The following FECH variants were observed in gnomAD, a reference collection of about 807,000 sequenced individuals.
The protein encoded by FECH is ferrochelatase, mitochondrial.
FECH carries 40 observed loss-of-function variants against 56.9 expected under a neutral mutation model. The observed-to-expected ratio is 0.70, with a 90% CI of 0.55 to 0.92. FECH has a LOEUF of 0.92. Among genes scored for constraint, FECH ranks in the 40% least tolerant of loss-of-function variants. FECH has a pLI of 0.00. For synonymous variants in FECH, 175 were observed against 198.6 expected (o/e 0.88, Z 1.00); for missense variants, 431 against 529.1 (o/e 0.81, Z 1.82).
chr18:57,563,013 T>C (rs2122285198), intron 5 of FECH, 33 bp from the exon 6 acceptor site: 1 of 1,552,366 alleles, frequency 6.4e-7, no homozygotes, highest in Non-Finnish European at 8.9e-7. Flanking sequence ...AGTAGATGCA[T>C]TTTGATTATG....
chr18:57,579,764 T>C (rs2051247501), intron 2 of FECH, among the ~76,000 whole-genome samples: 1 of 152,190 alleles, frequency 6.6e-6, no homozygotes. Context: ...TTATGTTAGG[T>C]TCGTAAATAC....
Position 57,546,804 on chromosome 18 carries a change from C to T in FECH, c.*3908G>A, listed in dbSNP as rs1006178621. Among the ~76,000 whole-genome samples the T allele has an allele frequency of 6.6e-6, 1 of 151,458 alleles. No individual in the cohort carries two copies. The highest frequency in any genetic ancestry group is 2.1e-4 in the South Asian group (1 of 4,788). ...TCAGGCCCCATCTCTACTAAAAATA[C>T]AAAAATTAGCCGGGCATGGTGGCAC... is the stretch of plus-strand genomic sequence containing the variant. On this transcript the variant is annotated 3_prime_UTR_variant, in exon 11 of 11. Coordinates refer to ENST00000262093, the MANE Select transcript of FECH (RefSeq NM_000140.5).
intron 6 of FECH, among the ~76,000 whole-genome samples, chr18:57,560,337 A>G (rs1452020273): frequency 6.6e-6 from 1 of 152,240 alleles, no homozygotes; most frequent in Non-Finnish European, 1.5e-5. Flanking sequence ...TGATAAAGCA[A>G]GTGGGATATA....
chr18:57,558,836 G>A (rs1410226276), intron 7 of FECH, among the ~76,000 whole-genome samples: 1 of 152,104 alleles, frequency 6.6e-6, no homozygotes, highest in Non-Finnish European at 1.5e-5. Context: ...CAAGAGAACT[G>A]CTTGAGCCCA....
intron 1 of FECH, among the ~76,000 whole-genome samples, chr18:57,584,726 A>G (rs2051339584): frequency 6.6e-6 from 1 of 151,714 alleles, no homozygotes; most frequent in Non-Finnish European, 1.5e-5. Context: ...GGGTGCTTCA[A>G]AATATTGGTT....
chr18:57,570,255 G>A (rs2051084582), intron 4 of FECH, among the ~76,000 whole-genome samples: 1 of 152,198 alleles, frequency 6.6e-6, no homozygotes, highest in Non-Finnish European at 1.5e-5. Context: ...TAGTAAGTAG[G>A]TGTGAATGGA....
chr18:57,570,618 T>C (rs1476730150), intron 4 of FECH, among the ~76,000 whole-genome samples: 1 of 152,272 alleles, frequency 6.6e-6, no homozygotes. Flanking sequence ...AATTCATGTG[T>C]CCTAAGATGT....
chr18:57,571,301 T>C, intron 4 of FECH, 91 bp downstream of exon 4: 2 of 1,348,852 alleles, frequency 1.5e-6, no homozygotes, highest in Non-Finnish European at 2.1e-6. Flanking sequence ...TGCCAGTACA[T>C]ATGAAGCATT....
At chr18:57,563,824 A>G (rs748418475) in intron 5 of FECH, among the ~76,000 whole-genome samples, 5 of 152,102 alleles carry the variant, frequency 3.3e-5, no homozygotes, top group Admixed American at 6.5e-5. Flanking sequence ...TATTTTGAGC[A>G]TCTTTACTTA....
chr18:57,565,633 G>A (rs562389790), intron 5 of FECH, among the ~76,000 whole-genome samples: 6 of 151,958 alleles, frequency 3.9e-5, no homozygotes, highest in Non-Finnish European at 5.9e-5. Context: ...TAGAACTCAG[G>A]CATTTTAATG....
At position 57,550,405 on chromosome 18, in the gene FECH, C is replaced by A; in HGVS notation, c.*307G>T. The A allele has an allele frequency of 2.9e-6, 1 of 342,538 alleles. No individual in the cohort carries two copies. The highest frequency in any genetic ancestry group is 3.0e-5 in the South Asian group (1 of 33,228). The allele number at this position is 342,538 out of a possible 1,614,324, so 21.2% of individuals were successfully genotyped here. A position where few individuals can be genotyped will look rare whatever the true frequency, so the allele number is the denominator to read the frequency against. Reference sequence around the variant, plus strand: ...GGGTTTTGGGCAATAAAGCCAAAATCTGTACTTAAATAGGTGTGTCTCATA... The same window carrying A: ...GGGTTTTGGGCAATAAAGCCAAAATATGTACTTAAATAGGTGTGTCTCATA... On this transcript the variant is annotated 3_prime_UTR_variant, in exon 11 of 11. Transcript: ENST00000262093.
chr18:57,546,553 T>G lies in FECH; in HGVS notation c.*4159A>C, dbSNP rs1312502100. 6.6e-6 allele frequency among the ~76,000 whole-genome samples: 1 copy of G among 152,136 alleles called. No homozygotes were observed. The highest frequency in any genetic ancestry group is 1.5e-5 in the Non-Finnish European group (1 of 68,022). ...AAGGATCTCTTTTACATGCCTTAAG[T>G]TATGGTTTCTTGAATTAAATATGGA... is the stretch of plus-strand genomic sequence containing the variant. On this transcript the variant is annotated 3_prime_UTR_variant, in exon 11 of 11. Coordinates refer to ENST00000262093, the MANE Select transcript of FECH (RefSeq NM_000140.5).
At chr18:57,552,257 G>A (rs1033732533) in intron 9 of FECH, among the ~76,000 whole-genome samples, 4 of 151,874 alleles carry the variant, frequency 2.6e-5, no homozygotes, top group South Asian at 2.1e-4. Flanking sequence ...CCCTGCTCCC[G>A]GCTCCAAAAA....
At chr18:57,578,637 ACCAC>A (rs1262231966) in intron 2 of FECH, among the ~76,000 whole-genome samples, 2 of 151,930 alleles carry the variant, frequency 1.3e-5, no homozygotes, top group Non-Finnish European at 2.9e-5. Context: ...CCATGATCAC[ACCAC>A]CGCACTCCAG....
intron 1 of FECH, among the ~76,000 whole-genome samples, chr18:57,584,325 C>CA (rs11383428): frequency 0.47 from 46,695 of 99,860 alleles, 12,565 homozygotes; most frequent in African/African-American, 0.57. Flanking sequence ...GACTCGGTCT[C>CA]AAAAAAAAAA....
chr18:57,569,690 T>TG (rs1002184867), intron 4 of FECH, among the ~76,000 whole-genome samples: 8 of 152,100 alleles, frequency 5.3e-5, no homozygotes, highest in African/African-American at 1.7e-4. Context: ...CCCAAACTGC[T>TG]GGGGTGTGCC....
At chr18:57,554,682 C>T (rs898940440) in intron 8 of FECH, among the ~76,000 whole-genome samples, 163 bp downstream of exon 8, 1 of 152,184 alleles carries the variant, frequency 6.6e-6, no homozygotes, top group Non-Finnish European at 1.5e-5. Context: ...ACTTGATTTC[C>T]CCTTCTATCT....
At chr18:57,578,944 GC>G (rs1392819615) in intron 2 of FECH, among the ~76,000 whole-genome samples, 2 of 149,872 alleles carry the variant, frequency 1.3e-5, no homozygotes, top group African/African-American at 2.5e-5. Flanking sequence ...GGGTGAAAGA[GC>G]AAGACTCCCT....
At chr18:57,576,916 C>T (rs1398204214) in intron 2 of FECH, among the ~76,000 whole-genome samples, 1 of 152,106 alleles carries the variant, frequency 6.6e-6, no homozygotes, top group African/African-American at 2.4e-5. Context: ...CGTTCATGTT[C>T]CGTTTGTTTG....
Sources: gnomAD v4.1 joint callset for allele counts (sites outside exome capture counted in the v4.1 genomes callset) on GRCh38, gnomAD v4.1.1 for gene constraint, MANE v1.5 for transcripts, NCBI Gene and HGNC (gene_info 2026-07-23, HGNC 2026-07-21) for gene names.